DNMBP: variants seen among roughly 807,000 people sequenced by gnomAD.
The protein encoded by DNMBP is dynamin-binding protein.
Under a neutral mutation model 150.0 loss-of-function variants are expected in DNMBP, and 87 were observed. The observed-to-expected ratio is 0.58, with a 90% CI of 0.49 to 0.69. DNMBP has a LOEUF of 0.69. DNMBP is among the 30% of genes least tolerant of loss of function. The probability of loss-of-function intolerance (pLI) is 0.00; values close to 1 mark genes in which losing one functional copy is unlikely to be tolerated. For missense variants in DNMBP, 1,774 were observed against 1,949.0 expected (o/e 0.91, Z 1.69); for synonymous variants, 711 against 750.4 (o/e 0.95, Z 0.86).
chr10:100,006,978 G>C (rs2041079349), intron 1 of DNMBP, among the ~76,000 whole-genome samples: 1 of 152,090 alleles, frequency 6.6e-6, no homozygotes, highest in Non-Finnish European at 1.5e-5. Flanking sequence ...GCCCAGCGTG[G>C]TGATATAAGC....
chr10:99,937,091 G>A (rs1232513951), intron 4 of DNMBP, among the ~76,000 whole-genome samples: 1 of 151,922 alleles, frequency 6.6e-6, no homozygotes, highest in Non-Finnish European at 1.5e-5. Context: ...CAGTAGAGAC[G>A]GGGTTTCACC....
At chr10:99,908,667 G>A (rs1485255682) in intron 5 of DNMBP, among the ~76,000 whole-genome samples, 3 of 152,160 alleles carry the variant, frequency 2.0e-5, no homozygotes, top group Non-Finnish European at 2.9e-5. Flanking sequence ...GCAGGGCCAC[G>A]ATTCAGACTC....
At chr10:99,883,947 G>T in intron 15 of DNMBP, 64 bp downstream of exon 15, 1 of 1,488,524 alleles carries the variant, frequency 6.7e-7, no homozygotes, top group South Asian at 1.2e-5. Context: ...GTCCAGATTC[G>T]GGTGCAGCCA....
At chr10:99,933,748 T>G (rs780549470) in intron 4 of DNMBP, among the ~76,000 whole-genome samples, 10 of 152,256 alleles carry the variant, frequency 6.6e-5, no homozygotes, top group Non-Finnish European at 1.3e-4. Flanking sequence ...TTTTTTTGTT[T>G]TTTTTTGAGA....
At chr10:99,985,865 C>T (rs2040822132) in intron 1 of DNMBP, among the ~76,000 whole-genome samples, 3 of 152,216 alleles carry the variant, frequency 2.0e-5, no homozygotes, top group African/African-American at 7.2e-5. Context: ...ATCCTCCTGC[C>T]TCAGCCTCCC....
chr10:99,896,900 G>T (rs564452991), intron 9 of DNMBP, among the ~76,000 whole-genome samples: 73 of 152,298 alleles, frequency 4.8e-4, no homozygotes, highest in Non-Finnish European at 9.0e-4. Context: ...AAAGTAGAAG[G>T]GTGGCAAGGG....
At chr10:99,902,558 T>C (rs1231978431) in intron 6 of DNMBP, among the ~76,000 whole-genome samples, 2 of 144,542 alleles carry the variant, frequency 1.4e-5, no homozygotes, top group African/African-American at 5.1e-5. Flanking sequence ...GATCCGCCCG[T>C]CTCAGCCTCC....
intron 4 of DNMBP, among the ~76,000 whole-genome samples, chr10:99,947,746 A>G (rs77437619): frequency 0.014 from 2,173 of 152,308 alleles, 54 homozygotes; most frequent in African/African-American, 0.049. Flanking sequence ...ATAAAATTCT[A>G]TTTTAAGAGT....
chr10:99,897,853 C>T (rs1165813496), intron 9 of DNMBP, among the ~76,000 whole-genome samples: 4 of 152,058 alleles, frequency 2.6e-5, no homozygotes, highest in African/African-American at 9.7e-5. Flanking sequence ...GTGGAGGTTG[C>T]AGTGAGCTGA....
In DNMBP at chr10:99,955,802, C is replaced by T. The variant is rs150933450; in HGVS notation, c.1672G>A (p.Glu558Lys). Residue 558 changes from glutamate (E) to lysine (K), a missense_variant, in exon 4 of 17, where the codon GAG becomes AAG. Transcript: ENST00000324109. ...GGCCCTGCCAAGCTCTTCTCAAACT[C>T]GATCAGCTGTTGTGTCAGCTTCGAG... ...LDSKLTQQLI[E>K]FEKSLAGPGT... is the part of the protein sequence containing the mutation. The T allele has an allele frequency of 1.2e-5, 19 of 1,614,104 alleles. No individual in the cohort carries two copies. In the African/African-American group the frequency reaches 1.9e-4, roughly 16 times the overall value.
intron 4 of DNMBP, among the ~76,000 whole-genome samples, chr10:99,946,724 G>A (rs2040361244): frequency 6.6e-6 from 1 of 152,042 alleles, no homozygotes. Flanking sequence ...AACAAAAACT[G>A]ACAACTGGAA....
chr10:99,964,225 C>T (rs2040594596), intron 3 of DNMBP, among the ~76,000 whole-genome samples: 2 of 148,678 alleles, frequency 1.3e-5, no homozygotes, highest in South Asian at 2.2e-4. Context: ...TCGCTGCAAC[C>T]TCTGCTTTCC....
rs769123518 is a variant in DNMBP, at chr10:99,899,991, A to G, written c.2630T>C (p.Ile877Thr). 3 of 1,614,128 alleles carry G rather than the reference A, an allele frequency of 1.9e-6. No individual in the cohort carries two copies. The highest frequency in any genetic ancestry group is 1.7e-5 in the Admixed American group (1 of 60,010). ...KIYCQNHDEA[I>T]ALLEIYEKDE... ...CTTCTCGTAGATTTCAAGCAGCGCA[A>G]TGGCCTCATCATGATTCTGGCAGTA... Residue 877 changes from isoleucine (I) to threonine (T), a missense_variant, in exon 7 of 17, where the codon ATT becomes ACT. Physicochemically the swap from Ile to Thr is moderately conservative, Grantham distance 89. Transcript: ENST00000324109.
At chr10:99,878,554 G>A (rs1043819996) in intron 16 of DNMBP, among the ~76,000 whole-genome samples, 3 of 152,212 alleles carry the variant, frequency 2.0e-5, no homozygotes, top group Admixed American at 6.5e-5. Flanking sequence ...CACAAAGCTC[G>A]GCTATGGCAC....
At chr10:99,889,782 T>C (rs1231864526) in intron 11 of DNMBP, among the ~76,000 whole-genome samples, 1 of 152,170 alleles carries the variant, frequency 6.6e-6, no homozygotes, top group Admixed American at 6.5e-5. Flanking sequence ...CTTAAAAAAC[T>C]GTTGAGGGCT....
intron 1 of DNMBP, among the ~76,000 whole-genome samples, chr10:99,986,285 G>T (rs974983796): frequency 2.0e-5 from 3 of 152,000 alleles, no homozygotes; most frequent in Admixed American, 2.0e-4. Context: ...CAAGGTGGGA[G>T]GGTTGCTTGA....
intron 1 of DNMBP, among the ~76,000 whole-genome samples, chr10:99,992,529 T>TC (rs1382967031): frequency 1.4e-5 from 2 of 147,324 alleles, no homozygotes; most frequent in African/African-American, 2.6e-5. Flanking sequence ...TCTAGGAGTT[T>TC]TTTTTTTTTT....
chr10:99,892,042 G>T, intron 11 of DNMBP, among the ~76,000 whole-genome samples: 1 of 140,468 alleles, frequency 7.1e-6, no homozygotes, highest in East Asian at 2.1e-4. Flanking sequence ...CGGGAGGGAG[G>T]TGGGGGGGTC....
chr10:99,894,565 A>G (rs59532880), intron 11 of DNMBP, among the ~76,000 whole-genome samples: 16,712 of 152,240 alleles, frequency 0.11, 1,137 homozygotes, highest in South Asian at 0.23. Flanking sequence ...TCTTACTCGT[A>G]TTCACTGCTT....
Sources: gnomAD v4.1 joint callset for allele counts (sites outside exome capture counted in the v4.1 genomes callset) on GRCh38, gnomAD v4.1.1 for gene constraint, MANE v1.5 for transcripts, NCBI Gene and HGNC (gene_info 2026-07-23, HGNC 2026-07-21) for gene names.